The following ITSN2 variants were observed in gnomAD, a reference collection of about 807,000 sequenced individuals.
The protein encoded by ITSN2 is intersectin-2.
ITSN2 carries 156 observed loss-of-function variants against 243.7 expected under a neutral mutation model. The observed-to-expected ratio is 0.64, with a 90% CI of 0.56 to 0.73. The LOEUF is 0.73. ITSN2 is among the 30% of genes least tolerant of loss of function. ITSN2 has a pLI of 0.00. For synonymous variants in ITSN2, 703 were observed against 699.9 expected (o/e 1.00, Z -0.07); for missense variants, 1,801 against 1,996.1 (o/e 0.90, Z 1.86).
chr2:24,206,958 G>A (rs1668955727), intron 37 of ITSN2, among the ~76,000 whole-genome samples: 1 of 152,080 alleles, frequency 6.6e-6, no homozygotes, highest in Non-Finnish European at 1.5e-5. Context: ...TGGAGGGGGA[G>A]CTCACATGGG....
intron 30 of ITSN2, 147 bp from the exon 31 acceptor site, chr2:24,218,160 T>C (rs1249119337): frequency 4.9e-6 from 3 of 609,988 alleles, no homozygotes; most frequent in South Asian, 2.1e-5. Flanking sequence ...CAAATAAGCA[T>C]ACTTATGACA....
intron 4 of ITSN2, 79 bp from the exon 5 acceptor site, chr2:24,312,454 G>C (rs1683368011): frequency 9.3e-7 from 1 of 1,076,700 alleles, no homozygotes. Flanking sequence ...GATTGACAAA[G>C]TAAAAATGAT....
intron 32 of ITSN2, 144 bp from the exon 33 acceptor site, chr2:24,212,892 A>C: frequency 1.5e-6 from 1 of 670,098 alleles, no homozygotes; most frequent in Non-Finnish European, 2.5e-6. Flanking sequence ...TTTTTAGGTG[A>C]GTGTTCTATT....
intron 1 of ITSN2, among the ~76,000 whole-genome samples, chr2:24,330,110 ACT>A (rs1685603215): frequency 6.6e-6 from 1 of 152,222 alleles, no homozygotes; most frequent in South Asian, 2.1e-4. Context: ...GCATTTTCTA[ACT>A]CTGCATAATA....
intron 1 of ITSN2, among the ~76,000 whole-genome samples, chr2:24,337,062 C>CT (rs754030975): frequency 0.01 from 1,402 of 136,822 alleles, 12 homozygotes; most frequent in East Asian, 0.039. Context: ...CTTGGCTTTT[C>CT]TTTTTTTTTT....
chr2:24,291,444 C>T (rs2151597438), intron 15 of ITSN2, among the ~76,000 whole-genome samples: 1 of 151,042 alleles, frequency 6.6e-6, no homozygotes, highest in South Asian at 2.1e-4. Context: ...AGGAATCTTT[C>T]ACGTCTATTA....
At chr2:24,314,006 G>A (rs1335203037) in intron 3 of ITSN2, among the ~76,000 whole-genome samples, 3 of 152,116 alleles carry the variant, frequency 2.0e-5, no homozygotes, top group South Asian at 2.1e-4. Flanking sequence ...CAATCTTAAC[G>A]AATCCGGTAA....
chr2:24,352,595 C>T (rs554427974), intron 1 of ITSN2, among the ~76,000 whole-genome samples: 1 of 152,270 alleles, frequency 6.6e-6, no homozygotes, highest in South Asian at 2.1e-4. Context: ...TTAGCAACCT[C>T]AGTTTAGATT....
At chr2:24,222,638 T>C (rs1187690389) in intron 29 of ITSN2, among the ~76,000 whole-genome samples, 27 of 151,614 alleles carry the variant, frequency 1.8e-4, no homozygotes, top group Non-Finnish European at 2.9e-5. Flanking sequence ...TTGGTATGCA[T>C]ATTCCCATTA....
rs771853112 is a variant in ITSN2 at position 24,310,711 on chromosome 2, A to T, written c.353-19T>A. 4 of 1,607,308 alleles carry T rather than the reference A, an allele frequency of 2.5e-6. No individual in the cohort carries two copies. The highest frequency in any genetic ancestry group is 3.4e-6 in the Non-Finnish European group (4 of 1,174,560). ...CCCATTCCTAAAGTCAAAAGAAAAC[A>T]TTTTTTCCAGTGCTAGAAAATCAAT... is the stretch of plus-strand genomic sequence containing the variant. On this transcript the variant is annotated intron_variant, in intron 5 of 39. Transcript: ENST00000355123.
chr2:24,360,621 C>A (rs1363065275), upstream of ITSN2: 1 of 152,272 alleles, frequency 6.6e-6, no homozygotes, highest in African/African-American at 2.4e-5. Context: ...CCCCACCCTC[C>A]GGAGCCCGAA....
At chr2:24,350,932 T>C (rs1574406240) in intron 1 of ITSN2, among the ~76,000 whole-genome samples, 1 of 152,228 alleles carries the variant, frequency 6.6e-6, no homozygotes, top group Admixed American at 6.5e-5. Context: ...ATAGTGATAC[T>C]GGTTGCACAA....
At chr2:24,275,632 A>G (rs1006476898) in intron 18 of ITSN2, 81 bp downstream of exon 18, 2 of 1,186,554 alleles carry the variant, frequency 1.7e-6, no homozygotes, top group East Asian at 4.9e-5. Context: ...TTTTCCTTAA[A>G]TTTTCATAAA....
rs1673712244 is a variant in ITSN2 at position 24,248,653 on chromosome 2, A to G, written c.3264T>C (p.Ser1088=). 1 of 1,609,598 alleles carries G rather than the reference A, an allele frequency of 6.2e-7. No homozygotes were observed. The highest frequency in any genetic ancestry group is 8.5e-7 in the Non-Finnish European group (1 of 1,176,970). ...QLILILKKNT[S]GWWQGELQAR... The stretch of plus-strand genomic sequence containing the variant: ...CCTGTAACTCTCCTTGCCACCACCC[A>G]CTTGTATTTTTCTTTAGAATTAATA... Residue 1088 remains serine, a synonymous_variant, in exon 27 of 40, where the codon AGT becomes AGC. Coordinates refer to ENST00000355123, the MANE Select transcript of ITSN2 (RefSeq NM_006277.3).
intron 1 of ITSN2, among the ~76,000 whole-genome samples, chr2:24,345,354 T>C (rs907073375): frequency 6.6e-6 from 1 of 152,238 alleles, no homozygotes; most frequent in Non-Finnish European, 1.5e-5. Context: ...AGTCATTCTT[T>C]ATTACCTCAC....
At chr2:24,296,399 A>G (rs376546351) in intron 13 of ITSN2, among the ~76,000 whole-genome samples, 6 of 152,190 alleles carry the variant, frequency 3.9e-5, no homozygotes, top group African/African-American at 7.2e-5. Context: ...CCCAAAATTC[A>G]TATGTTAAAG....
At position 24,303,873 on chromosome 2, in the gene ITSN2, G is replaced by C; in HGVS notation, c.794-11C>G. ...TTCTAGCTTGAAAACCTGATTAAGT[G>C]GGGAAAATCATAAAGGAATTCTTTA... On this transcript the variant is annotated splice_polypyrimidine_tract_variant and intron_variant, in intron 8 of 39. Transcript: ENST00000355123. 7.0e-6 allele frequency: 11 copies of C among 1,577,772 alleles called. No individual in the cohort carries two copies. Among genetic ancestry groups the C allele is most frequent in the Non-Finnish European group, 7.8e-6 (9 of 1,146,964 alleles).
At chr2:24,244,867 T>C (rs1673147004) in intron 29 of ITSN2, among the ~76,000 whole-genome samples, 1 of 152,198 alleles carries the variant, frequency 6.6e-6, no homozygotes, top group Admixed American at 6.5e-5. Flanking sequence ...GAACTATCTT[T>C]ATAAGCTCTA....
chr2:24,205,244 C>T lies in ITSN2; in HGVS notation c.4732G>A (p.Ala1578Thr). Reference sequence around the variant, plus strand: ...GGTTTGCAGGCTTTTAATTCTGTAGCTTCAATGACATGCACCATCAGGCGC... The same window carrying T: ...GGTTTGCAGGCTTTTAATTCTGTAGTTTCAATGACATGCACCATCAGGCGC... The part of the protein sequence containing the change: ...IGRLMVHVIE[A>T]TELKACKPNG... The change falls in exon 38 of 40, where the codon GCT (alanine) becomes ACT (threonine). Residue 1578 changes from alanine to threonine, a missense_variant. Physicochemically the swap from Ala to Thr is moderately conservative, Grantham distance 58. This residue lies in a region of ITSN2 where 928 missense variants were observed against 1,065.4 expected (regional missense o/e 0.87). Transcript: ENST00000355123. 1 of 1,614,030 alleles carries T rather than the reference C, an allele frequency of 6.2e-7. No individual in the cohort carries two copies. The highest frequency in any genetic ancestry group is 8.5e-7 in the Non-Finnish European group (1 of 1,179,912).
Sources: gnomAD v4.1 joint callset for allele counts (sites outside exome capture counted in the v4.1 genomes callset) on GRCh38, gnomAD v4.1.1 for gene constraint, gnomAD v4.1.1 regional missense constraint, MANE v1.5 for transcripts, NCBI Gene and HGNC (gene_info 2026-07-23, HGNC 2026-07-21) for gene names.